The following ZNF208 variants were observed in gnomAD, a reference collection of about 807,000 sequenced individuals.
The protein encoded by ZNF208 is zinc finger protein 95.
In ZNF208, 10 loss-of-function variants were observed where a neutral mutation model predicts 12.1. The observed-to-expected ratio is 0.83, with a 90% CI of 0.51 to 1.40. ZNF208 has a LOEUF of 1.40. Among genes scored for constraint, ZNF208 ranks in the 40% most tolerant of loss-of-function variants. The pLI is 0.00. For missense variants in ZNF208, 1,652 were observed against 1,485.0 expected, an observed-to-expected ratio of 1.11 and a Z score of -1.85; for synonymous variants, 497 against 488.4, an observed-to-expected ratio of 1.02 and a Z score of -0.23.
At chr19:21,984,842 A>C (rs899508305) in intron 3 of ZNF208, among the ~76,000 whole-genome samples, 8 of 152,214 alleles carry the variant, frequency 5.3e-5, no homozygotes, top group Admixed American at 2.6e-4. Context: ...CTGATTTCAA[A>C]AGACATTCCA....
At chr19:21,951,017 T>A (rs1322427963) in intron 4 of ZNF208, among the ~76,000 whole-genome samples, 1 of 152,236 alleles carries the variant, frequency 6.6e-6, no homozygotes, top group South Asian at 2.1e-4. Context: ...TCTTGGTTCA[T>A]GCAACTTCAA....
In ZNF208 at chr19:21,974,673, C is replaced by G. The variant is rs934538233; in HGVS notation, c.361G>C (p.Asp121His). Reference protein sequence around the residue: ...LHLKIGYTNVDECKVHKEGYN... With the variant: ...LHLKIGYTNVHECKVHKEGYN... ...CCTTCTTTGTGCACCTTACACTCAT[C>G]CACATTGGTATAACCAATTTTTAAG... The change falls in exon 4 of 4, where the codon GAT becomes CAT. Residue 121 changes from aspartate (D) to histidine (H), a missense_variant. Asp to His is a moderately conservative substitution (Grantham distance 81, BLOSUM62 -1). Coordinates refer to ENST00000397126, the MANE Select transcript of ZNF208 (RefSeq NM_007153.3). The G allele has an allele frequency of 2.5e-6, 4 of 1,613,622 alleles. No homozygotes were observed. The highest frequency in any genetic ancestry group is 3.3e-5 in the Admixed American group (2 of 59,988).
downstream of ZNF208, among the ~76,000 whole-genome samples, chr19:21,962,291 C>A (rs1970084781): frequency 6.6e-6 from 1 of 151,994 alleles, no homozygotes; most frequent in Non-Finnish European, 1.5e-5. Flanking sequence ...TAAGTGTTAG[C>A]TGAGGTCTAG....
At position 21,972,932 on chromosome 19, in the gene ZNF208, G is replaced by C; in HGVS notation, c.2102C>G (p.Ala701Gly). The C allele has an allele frequency of 6.2e-7, 1 of 1,612,976 alleles. No individual in the cohort carries two copies. The highest frequency in any genetic ancestry group is 1.1e-5 in the South Asian group (1 of 90,996). ...CATAAGGTTTGAGGACCAGTTGAAA[G>C]CTTTGCCACATTCTTCACATTTGTA... ...KPYKCEECGK[A>G]FNWSSNLMEH... The change falls in exon 4 of 4, where the codon GCT becomes GGT. Residue 701 changes from alanine to glycine, a missense_variant. Transcript: ENST00000397126.
Position 21,971,534 on chromosome 19 carries a change from T to C in ZNF208, c.3500A>G (p.Lys1167Arg), listed in dbSNP as rs369444555. The C allele has an allele frequency of 1.9e-6, 3 of 1,610,938 alleles. No individual in the cohort carries two copies. The African/African-American group carries it at 4.0e-5, about 22-fold the overall frequency. Residue 1167 changes from lysine to arginine, a missense_variant, in exon 4 of 4, where the codon AAA (lysine) becomes AGA (arginine). By Grantham distance (26) the Lys-to-Arg change is conservative. Transcript: ENST00000397126. The part of the protein sequence containing the change: ...SYHKKIHTVE[K>R]PYKCEECGKG... ...GCCACATTCTTCACATTTGTAGGGTTTCTCTACAGTATGAATTTTCTTATG... is the reference window on the plus strand; with the variant it reads ...GCCACATTCTTCACATTTGTAGGGTCTCTCTACAGTATGAATTTTCTTATG...
chr19:21,961,457 A>G (rs2666438), downstream of ZNF208, among the ~76,000 whole-genome samples: 82,963 of 151,970 alleles, frequency 0.55, 22,970 homozygotes, highest in East Asian at 0.69. Context: ...ATGAGGGTCT[A>G]TGTTCAGCTG....
At chr19:21,950,184 C>A (rs1357105669) in intron 4 of ZNF208, among the ~76,000 whole-genome samples, 1 of 152,046 alleles carries the variant, frequency 6.6e-6, no homozygotes, top group Non-Finnish European at 1.5e-5. Flanking sequence ...ATTCAGAAAG[C>A]CTTTCTATTT....
chr19:21,965,921 C>T (rs980341768), downstream of ZNF208: 10 of 151,798 alleles, frequency 6.6e-5, no homozygotes, highest in African/African-American at 1.9e-4. Context: ...TTTACTTGCA[C>T]ACTTGAAAAT....
downstream of ZNF208, chr19:21,965,732 G>A (rs1970151568): frequency 6.7e-6 from 1 of 150,322 alleles, no homozygotes; most frequent in Non-Finnish European, 1.5e-5. Flanking sequence ...TAGAAAAAAT[G>A]TTTTATATTT....
chr19:22,007,057 CTGA>C (rs1251682366), intron 1 of ZNF208, among the ~76,000 whole-genome samples: 1 of 152,112 alleles, frequency 6.6e-6, no homozygotes, highest in African/African-American at 2.4e-5. Context: ...AGAAAAGAAA[CTGA>C]TGTTTTCACG....
chr19:21,978,857 C>T (rs1046793489), intron 3 of ZNF208, among the ~76,000 whole-genome samples: 19 of 152,072 alleles, frequency 1.2e-4, no homozygotes, highest in African/African-American at 1.7e-4. Context: ...GAATTGCTAA[C>T]GAGAATAACC....
intron 3 of ZNF208, among the ~76,000 whole-genome samples, chr19:21,982,623 G>C (rs1218447565): frequency 1.3e-5 from 2 of 152,046 alleles, no homozygotes; most frequent in Non-Finnish European, 2.9e-5. Context: ...ACCCTATGAG[G>C]CTACAGTAAA....
intron 1 of ZNF208, 135 bp from the exon 2 acceptor site, chr19:21,989,044 T>C: frequency 3.3e-6 from 4 of 1,215,952 alleles, no homozygotes; most frequent in Non-Finnish European, 4.6e-6. Context: ...ATAAAATAAT[T>C]TTTAACACAA....
chr19:21,942,516 T>C (rs1969756942), intron 4 of ZNF208, among the ~76,000 whole-genome samples: 1 of 152,216 alleles, frequency 6.6e-6, no homozygotes, highest in South Asian at 2.1e-4. Context: ...TTGAAGATAT[T>C]TTTAATTTAA....
At chr19:21,943,284 A>G (rs1301415114) in intron 4 of ZNF208, among the ~76,000 whole-genome samples, 2 of 152,222 alleles carry the variant, frequency 1.3e-5, no homozygotes. Flanking sequence ...GATTAACATT[A>G]TCATAAATTA....
intron 3 of ZNF208, among the ~76,000 whole-genome samples, chr19:21,981,664 T>C (rs1970541502): frequency 6.6e-6 from 1 of 152,170 alleles, no homozygotes; most frequent in Non-Finnish European, 1.5e-5. Flanking sequence ...AGGGATGCTC[T>C]CTCTCACCAC....
At position 21,946,748 on chromosome 19, in the gene ZNF208, C is replaced by A. The variant is rs554147415; in HGVS notation, c.306-13511G>T. ...GTCCTAAGTTTTTGTCTCTTAGAGA[C>A]AAACCTGAAAACATTGGCTCTGTTC... On this transcript the variant is annotated intron_variant, in intron 4 of 4. Coordinates refer to the ZNF208 transcript ENST00000599916. Among the ~76,000 whole-genome samples, 7 of 152,180 alleles carry A rather than the reference C, an allele frequency of 4.6e-5. No homozygotes were observed. In the South Asian group the frequency reaches 1.5e-3, roughly 32 times the overall value.
At chr19:21,958,813 G>A (rs372096466) in intron 4 of ZNF208, among the ~76,000 whole-genome samples, 1 of 152,120 alleles carries the variant, frequency 6.6e-6, no homozygotes, top group South Asian at 2.1e-4. Context: ...AGCAGTTAGG[G>A]TCTCCCCTCC....
intron 3 of ZNF208, among the ~76,000 whole-genome samples, chr19:21,983,713 G>A (rs1174568225): frequency 6.6e-6 from 1 of 152,108 alleles, no homozygotes; most frequent in Non-Finnish European, 1.5e-5. Flanking sequence ...GGACATGGAT[G>A]AAGCTGGAAA....
Sources: gnomAD v4.1 joint callset for allele counts (sites outside exome capture counted in the v4.1 genomes callset) on GRCh38, gnomAD v4.1.1 for gene constraint, MANE v1.5 for transcripts, NCBI Gene and HGNC (gene_info 2026-07-23, HGNC 2026-07-21) for gene names.